Variants in PLAC8L1 observed in about 807,000 individuals in gnomAD.
PLAC8L1 encodes the protein PLAC8-like protein 1.
In PLAC8L1, 13 loss-of-function variants were observed where a neutral mutation model predicts 16.3. The observed-to-expected ratio is 0.80, with a 90% CI of 0.52 to 1.27. The LOEUF (loss-of-function observed/expected upper bound fraction) is 1.27, where lower values mean the gene tolerates loss of function less well. Ranked by LOEUF, PLAC8L1 falls within the 50% of genes most tolerant of loss-of-function variation. The probability of loss-of-function intolerance (pLI) is 0.00; values close to 1 mark genes in which losing one functional copy is unlikely to be tolerated. For synonymous variants in PLAC8L1, 78 were observed against 79.3 expected (o/e 0.98, Z 0.09); for missense variants, 184 against 220.2 (o/e 0.84, Z 1.04).
At chr5:146,097,422 C>T (rs1243700042) in intron 2 of PLAC8L1, among the ~76,000 whole-genome samples, 3 of 152,026 alleles carry the variant, frequency 2.0e-5, no homozygotes, top group African/African-American at 7.2e-5. Context: ...AAAAGAAAAG[C>T]AAAAAGGAAA....
intron 2 of PLAC8L1, 113 bp from the exon 3 acceptor site, chr5:146,085,710 T>G: frequency 8.7e-7 from 1 of 1,149,912 alleles, no homozygotes; most frequent in South Asian, 2.2e-5. Context: ...ACTGTCTCCC[T>G]GCTATCAGAC....
intron 1 of PLAC8L1, among the ~76,000 whole-genome samples, chr5:146,102,306 T>C (rs1763834895): frequency 6.6e-6 from 1 of 152,202 alleles, no homozygotes; most frequent in African/African-American, 2.4e-5. Context: ...GATAGATTTG[T>C]TATTTATTTC....
intron 1 of PLAC8L1, among the ~76,000 whole-genome samples, chr5:146,099,064 A>G (rs200343789): frequency 6.6e-6 from 1 of 152,088 alleles, no homozygotes; most frequent in East Asian, 1.9e-4. Context: ...GTAAGGAAAA[A>G]CTTCTCTTTC....
At chr5:146,089,715 G>C (rs978764791) in intron 2 of PLAC8L1, among the ~76,000 whole-genome samples, 2 of 150,516 alleles carry the variant, frequency 1.3e-5, no homozygotes, top group South Asian at 2.1e-4. Context: ...CTGTGGGGTA[G>C]TCTTAAGTCA....
chr5:146,091,185 C>A (rs892179523), intron 2 of PLAC8L1, among the ~76,000 whole-genome samples: 2 of 152,196 alleles, frequency 1.3e-5, no homozygotes, highest in Non-Finnish European at 2.9e-5. Context: ...GACAATGTTA[C>A]ATCATCTAGG....
At chr5:146,090,532 C>T (rs531400744) in intron 2 of PLAC8L1, among the ~76,000 whole-genome samples, 2,208 of 130,938 alleles carry the variant, frequency 0.017, 26 homozygotes, top group Non-Finnish European at 0.024. Flanking sequence ...GAGACCGTCT[C>T]AAAAAACAAA....
In PLAC8L1 at chr5:146,084,314, A is replaced by AG. The variant is rs1215840331; in HGVS notation, c.*117dup. 1.6e-6 allele frequency: 2 copies of AG among 1,278,276 alleles called. No individual in the cohort carries two copies. Among genetic ancestry groups the AG allele is most frequent in the African/African-American group, 1.5e-5 (1 of 67,172 alleles). The allele number at this position is 1,278,276 out of a possible 1,614,324, so 79.2% of individuals were successfully genotyped here. A position where few individuals can be genotyped will look rare whatever the true frequency, so the allele number is the denominator to read the frequency against. On this transcript the variant is annotated 3_prime_UTR_variant, in exon 4 of 4. Transcript: ENST00000311450. ...AAGAAAGAAGAACAGTAGAGACAGT[A>AG]GGGGGGAAATCATTTATTTTCATAC... is the stretch of plus-strand genomic sequence containing the variant.
intron 2 of PLAC8L1, among the ~76,000 whole-genome samples, chr5:146,089,270 T>C (rs1763570097): frequency 6.6e-6 from 1 of 152,204 alleles, no homozygotes; most frequent in Non-Finnish European, 1.5e-5. Flanking sequence ...GAAAGAAACA[T>C]ACCTCAAATT....
At chr5:146,098,056 A>C (rs1763744533) in intron 2 of PLAC8L1, 100 bp downstream of exon 2, 1 of 1,346,056 alleles carries the variant, frequency 7.4e-7, no homozygotes, top group Non-Finnish European at 1.0e-6. Flanking sequence ...TTCTGAAAAC[A>C]TTTAATTTCT....
At chr5:146,085,264 A>G (rs770571026) in intron 3 of PLAC8L1, among the ~76,000 whole-genome samples, 197 bp downstream of exon 3, 1 of 152,184 alleles carries the variant, frequency 6.6e-6, no homozygotes, top group African/African-American at 2.4e-5. Flanking sequence ...CTAAAATAAT[A>G]TGGTATTTTA....
Position 146,104,530 on chromosome 5 carries a change from G to C in PLAC8L1, c.-219C>G. Reference sequence around the variant, plus strand: ...GACACATTCATCTTACTAATCTGTAGGGAGATATTGCTGGAGTATAGAGTA... The same window carrying C: ...GACACATTCATCTTACTAATCTGTACGGAGATATTGCTGGAGTATAGAGTA... On this transcript the variant is annotated 5_prime_UTR_variant, in exon 1 of 4. Transcript: ENST00000311450. 1 of 438,044 alleles carries C rather than the reference G, an allele frequency of 2.3e-6. No homozygotes were observed. The highest frequency in any genetic ancestry group is 3.8e-5 in the Admixed American group (1 of 26,488). 27.1% of individuals were successfully genotyped at this position (438,044 alleles called of 1,614,324 possible).
intron 1 of PLAC8L1, 198 bp downstream of exon 1, chr5:146,103,995 C>A (rs1260257278): frequency 1.0e-6 from 1 of 985,268 alleles, no homozygotes; most frequent in African/African-American, 1.7e-5. Context: ...CCCAAGCCAG[C>A]CCTTTTCTTG....
chr5:146,098,546 A>G (rs1763755974), intron 1 of PLAC8L1, among the ~76,000 whole-genome samples: 1 of 152,170 alleles, frequency 6.6e-6, no homozygotes, highest in African/African-American at 2.4e-5. Flanking sequence ...TGTCCAGTCT[A>G]CTTCCTCAGT....
chr5:146,090,774 C>T (rs1325176201), intron 2 of PLAC8L1, among the ~76,000 whole-genome samples: 1 of 151,994 alleles, frequency 6.6e-6, no homozygotes. Context: ...TTTGTCAGGC[C>T]GGGCGCAGTA....
intron 2 of PLAC8L1, among the ~76,000 whole-genome samples, chr5:146,089,283 A>G (rs1278568538): frequency 1.3e-5 from 2 of 152,202 alleles, no homozygotes; most frequent in East Asian, 3.8e-4. Flanking sequence ...CTCAAATTCA[A>G]TTACTGTACT....
chr5:146,094,736 G>A (rs963077372), intron 2 of PLAC8L1, among the ~76,000 whole-genome samples: 4 of 152,194 alleles, frequency 2.6e-5, no homozygotes. Flanking sequence ...AAGCACAGAG[G>A]TGGGAAGAAG....
chr5:146,103,988 AAGCCAGCCCTTTTCTTGTCACC>A, intron 1 of PLAC8L1, 183 bp downstream of exon 1: 5 of 985,468 alleles, frequency 5.1e-6, no homozygotes, highest in Non-Finnish European at 6.0e-6. Flanking sequence ...CATTTCACCC[AAGCCAGCCCTTTTCTTGTCACC>A]AGCCAAGAAA....
intron 1 of PLAC8L1, among the ~76,000 whole-genome samples, chr5:146,102,246 T>G (rs1214253600): frequency 6.6e-6 from 1 of 151,972 alleles, no homozygotes; most frequent in Admixed American, 6.6e-5. Flanking sequence ...TTTGTAGAGA[T>G]AGGGGTCTCG....
rs72820452 is a variant in PLAC8L1 at position 146,098,464 on chromosome 5, C to T, written c.120-172G>A. Among the ~76,000 whole-genome samples, 1,031 of 152,312 alleles carry T rather than the reference C, an allele frequency of 6.8e-3. 10 individuals carry two copies. The highest frequency in any genetic ancestry group is 0.012 in the South Asian group (58 of 4,826). On this transcript the variant is annotated intron_variant, in intron 1 of 3. Coordinates refer to ENST00000311450, the MANE Select transcript of PLAC8L1 (RefSeq NM_001029869.3). ...CTCCTCCCCCTCCATCATACCTTCT[C>T]TTCTGGCTTTTTGCCTCATCTCTAT...
Sources: allele counts gnomAD v4.1 joint callset (sites outside exome capture counted in the v4.1 genomes callset), GRCh38; gene constraint gnomAD v4.1.1; transcripts MANE v1.5; gene names NCBI Gene and HGNC (gene_info 2026-07-23, HGNC 2026-07-21).